PTPRM: variants seen among roughly 807,000 people sequenced by gnomAD.
The protein encoded by PTPRM is protein tyrosine phosphatase receptor type M.
PTPRM carries 47 observed loss-of-function variants against 186.7 expected under a neutral mutation model. The observed-to-expected ratio is 0.25, with a 90% confidence interval of 0.20 to 0.32. The LOEUF (loss-of-function observed/expected upper bound fraction) is 0.32, where lower values mean the gene tolerates loss of function less well. PTPRM is among the 10% of genes least tolerant of loss of function. PTPRM has a pLI of 1.00. For missense variants in PTPRM, 1,494 were observed against 1,865.0 expected, an observed-to-expected ratio of 0.80 and a Z score of 3.66; for synonymous variants, 668 against 674.9, an observed-to-expected ratio of 0.99 and a Z score of 0.16.
rs930656749 is a variant in PTPRM, at chr18:7,937,499, A to G, written c.663+10816A>G. 2.7e-4 allele frequency among the ~76,000 whole-genome samples: 41 copies of G among 151,920 alleles called. 1 individual carries two copies. The highest frequency in any genetic ancestry group is 2.1e-4 in the South Asian group (1 of 4,800). ...ACTCACACACCCGTCACCTCTCCCA[A>G]CTCGCCCTTGGCAGGCATGGAATCC... On this transcript the variant is annotated intron_variant, in intron 5 of 32. Transcript: ENST00000580170.
At chr18:8,052,359 T>C (rs2087567737) in intron 7 of PTPRM, among the ~76,000 whole-genome samples, 1 of 152,188 alleles carries the variant, frequency 6.6e-6, no homozygotes, top group Non-Finnish European at 1.5e-5. Flanking sequence ...CATATACCAC[T>C]GTGGTCCCAT....
At chr18:7,744,660 G>A (rs2040948646) in intron 1 of PTPRM, among the ~76,000 whole-genome samples, 1 of 152,162 alleles carries the variant, frequency 6.6e-6, no homozygotes, top group South Asian at 2.1e-4. Context: ...TGAACCAGAG[G>A]CTAGGTTCTT....
intron 1 of PTPRM, among the ~76,000 whole-genome samples, chr18:7,627,359 A>G (rs1264374624): frequency 2.0e-5 from 3 of 152,052 alleles, no homozygotes; most frequent in Non-Finnish European, 4.4e-5. Flanking sequence ...GCGGGGAAGC[A>G]TTTTATTCCT....
chr18:8,377,638 A>T (rs1357867816), intron 26 of PTPRM: 1 of 152,162 alleles, frequency 6.6e-6, no homozygotes, highest in Admixed American at 6.5e-5. Context: ...AGGCTTTTTA[A>T]ACTTCCCATA....
At chr18:8,372,082 T>A (rs1257179882) in intron 24 of PTPRM, among the ~76,000 whole-genome samples, 2 of 111,152 alleles carry the variant, frequency 1.8e-5, no homozygotes, top group African/African-American at 6.6e-5. Context: ...TTTTTTTTTT[T>A]AAGACGGAGT....
At position 7,598,432 on chromosome 18, in the gene PTPRM, C is replaced by CT. The variant is rs1598488989; in HGVS notation, c.73+30542dup. The stretch of plus-strand genomic sequence containing the variant: ...CATGTTTGGTATTCATTAAACTCTA[C>CT]TGAGCACGTCTACGTGTGTTTATTG... On this transcript the variant is annotated intron_variant, in intron 1 of 32. Coordinates refer to ENST00000580170, the MANE Select transcript of PTPRM (RefSeq NM_001105244.2). 2.0e-5 allele frequency among the ~76,000 whole-genome samples: 3 copies of CT among 152,354 alleles called. No individual in the cohort carries two copies. In the East Asian group the frequency reaches 5.8e-4, roughly 29 times the overall value.
chr18:7,714,300 A>C (rs921484959), intron 1 of PTPRM, among the ~76,000 whole-genome samples: 3 of 152,200 alleles, frequency 2.0e-5, no homozygotes, highest in African/African-American at 7.2e-5. Flanking sequence ...GCAGAAATAA[A>C]TAAGTTCATT....
intron 7 of PTPRM, among the ~76,000 whole-genome samples, chr18:8,021,046 G>C (rs1248943319): frequency 6.6e-6 from 1 of 152,114 alleles, no homozygotes; most frequent in Non-Finnish European, 1.5e-5. Flanking sequence ...TGGGATTCTG[G>C]TTGGAAACAC....
At chr18:8,040,675 C>T (rs1345738460) in intron 7 of PTPRM, among the ~76,000 whole-genome samples, 4 of 152,128 alleles carry the variant, frequency 2.6e-5, no homozygotes, top group Admixed American at 6.5e-5. Context: ...ATATTTAAAA[C>T]AGTAAACATA....
chr18:7,740,270 T>C (rs188639659), intron 1 of PTPRM, among the ~76,000 whole-genome samples: 28 of 152,204 alleles, frequency 1.8e-4, no homozygotes, highest in African/African-American at 6.3e-4. Flanking sequence ...TATAGAGTAG[T>C]GGGATTGACC....
intron 1 of PTPRM, among the ~76,000 whole-genome samples, chr18:7,746,391 G>T (rs934966198): frequency 6.6e-6 from 1 of 152,044 alleles, no homozygotes; most frequent in Admixed American, 6.6e-5. Context: ...ATCTAATGAC[G>T]ATATCCTTCA....
At chr18:8,154,037 CTG>C (rs2093068619) in intron 14 of PTPRM, among the ~76,000 whole-genome samples, 1 of 152,192 alleles carries the variant, frequency 6.6e-6, no homozygotes, top group African/African-American at 2.4e-5. Flanking sequence ...TGTTTTGTTA[CTG>C]TGTTTCCCTA....
At chr18:7,979,773 G>A (rs1314273243) in intron 7 of PTPRM, among the ~76,000 whole-genome samples, 1 of 152,180 alleles carries the variant, frequency 6.6e-6, no homozygotes. Context: ...AGTGTGGAGC[G>A]GACACAGGAG....
At chr18:7,846,307 T>G (rs1341373628) in intron 2 of PTPRM, among the ~76,000 whole-genome samples, 3 of 152,242 alleles carry the variant, frequency 2.0e-5, no homozygotes, top group Non-Finnish European at 4.4e-5. Context: ...TTTGGTTGAT[T>G]TGTTTTTGTT....
chr18:7,884,088 T>G (rs1212419031), intron 2 of PTPRM, among the ~76,000 whole-genome samples: 1 of 152,002 alleles, frequency 6.6e-6, no homozygotes, highest in Non-Finnish European at 1.5e-5. Context: ...TCGAGGCTGC[T>G]ATGAGCCGTG....
intron 1 of PTPRM, among the ~76,000 whole-genome samples, chr18:7,650,575 G>A (rs1317505239): frequency 6.6e-6 from 1 of 151,306 alleles, no homozygotes; most frequent in Non-Finnish European, 1.5e-5. Flanking sequence ...TTTGAAGCAC[G>A]TAACAGTATT....
chr18:8,231,847 T>A (rs1040090936), intron 14 of PTPRM, among the ~76,000 whole-genome samples: 3 of 152,076 alleles, frequency 2.0e-5, no homozygotes, highest in African/African-American at 7.3e-5. Flanking sequence ...TCCCATATAG[T>A]TCTAACACCC....
At chr18:8,255,674 T>G (rs2094567988) in intron 19 of PTPRM, among the ~76,000 whole-genome samples, 1 of 152,088 alleles carries the variant, frequency 6.6e-6, no homozygotes, top group Non-Finnish European at 1.5e-5. Context: ...ATACTAGAGA[T>G]GATATCAGGA....
chr18:7,840,351 G>A (rs182539126), intron 2 of PTPRM, among the ~76,000 whole-genome samples: 3 of 152,312 alleles, frequency 2.0e-5, no homozygotes, highest in East Asian at 3.9e-4. Flanking sequence ...AGGTATATGT[G>A]TGATTAGTTG....
Sources: gnomAD v4.1 joint callset for allele counts (sites outside exome capture counted in the v4.1 genomes callset) on GRCh38, gnomAD v4.1.1 for gene constraint, MANE v1.5 for transcripts, NCBI Gene and HGNC (gene_info 2026-07-23, HGNC 2026-07-21) for gene names.